PARD3: variants seen among roughly 807,000 people sequenced by gnomAD.
PARD3 encodes the protein par-3 family cell polarity regulator.
A neutral mutation model predicts 155.4 loss-of-function variants in PARD3; 75 were observed. That is an observed-to-expected ratio of 0.48 (90% CI 0.40 to 0.58). PARD3 has a LOEUF of 0.58. Ranked by LOEUF, PARD3 falls within the 20% of genes least tolerant of loss-of-function variation. The pLI is 0.00. For missense variants in PARD3, 1,642 were observed against 1,721.7 expected (o/e 0.95, Z 0.82); for synonymous variants, 576 against 610.5 (o/e 0.94, Z 0.83).
intron 1 of PARD3, among the ~76,000 whole-genome samples, chr10:34,775,945 C>T (rs1309539390): frequency 1.3e-5 from 2 of 152,040 alleles, no homozygotes; most frequent in Non-Finnish European, 2.9e-5. Flanking sequence ...TAATATATGG[C>T]CAGGCATGGT....
At chr10:34,630,593 T>C (rs917326007) in intron 2 of PARD3, among the ~76,000 whole-genome samples, 1 of 151,780 alleles carries the variant, frequency 6.6e-6, no homozygotes, top group Non-Finnish European at 1.5e-5. Context: ...GGGGACTACA[T>C]GCACAAGCCA....
intron 1 of PARD3, among the ~76,000 whole-genome samples, chr10:34,750,002 A>G (rs892426625): frequency 2.6e-5 from 4 of 151,402 alleles, no homozygotes; most frequent in African/African-American, 9.8e-5. Flanking sequence ...AGCCTAGGCG[A>G]CAGAACGAGA....
chr10:34,556,385 CT>C (rs5784421), intron 2 of PARD3, among the ~76,000 whole-genome samples: 60,364 of 137,154 alleles, frequency 0.44, 14,888 homozygotes, highest in African/African-American at 0.76. Flanking sequence ...TTTCTTCTTT[CT>C]TTTTTTTTTT....
chr10:34,373,849 AAT>A (rs1351739618), intron 11 of PARD3, among the ~76,000 whole-genome samples: 2 of 151,920 alleles, frequency 1.3e-5, no homozygotes, highest in Admixed American at 1.3e-4. Context: ...TATTTATAGA[AAT>A]AGTTTATATA....
rs185579148 is a variant in PARD3 at position 34,254,035 on chromosome 10, A to G, written c.3419+15622T>C. On this transcript the variant is annotated intron_variant, in intron 22 of 24. Transcript: ENST00000374788. ...TGAAGGCCCTGACTTCCCACAATAT[A>G]ATATACCAATGTAGCAACACTGCAC... 2.9e-3 allele frequency among the ~76,000 whole-genome samples: 444 copies of G among 152,244 alleles called. 3 individuals are homozygous for G. Among genetic ancestry groups the G allele is most frequent in the African/African-American group, 0.01 (424 of 41,522 alleles).
chr10:34,806,849 T>A (rs1554837482), intron 1 of PARD3, among the ~76,000 whole-genome samples: 1 of 151,830 alleles, frequency 6.6e-6, no homozygotes, highest in Non-Finnish European at 1.5e-5. Context: ...AGAGCAGGAG[T>A]CCCTGCACAG....
At chr10:34,359,751 G>A (rs1449725362) in intron 13 of PARD3, among the ~76,000 whole-genome samples, 1 of 152,138 alleles carries the variant, frequency 6.6e-6, no homozygotes, top group East Asian at 1.9e-4. Flanking sequence ...CCCACAAACA[G>A]GGGAGGGGAG....
At chr10:34,171,831 T>A (rs1949807539) in intron 22 of PARD3, among the ~76,000 whole-genome samples, 1 of 151,506 alleles carries the variant, frequency 6.6e-6, no homozygotes, top group Non-Finnish European at 1.5e-5. Context: ...GTGCCTATAA[T>A]CCCAGCTACT....
intron 2 of PARD3, among the ~76,000 whole-genome samples, chr10:34,520,339 G>T (rs964918477): frequency 6.6e-6 from 1 of 151,994 alleles, no homozygotes; most frequent in African/African-American, 2.4e-5. Flanking sequence ...ACCATACCAC[G>T]GTAATTGGTA....
At chr10:34,496,850 T>A (rs889393129) in intron 3 of PARD3, among the ~76,000 whole-genome samples, 2 of 152,222 alleles carry the variant, frequency 1.3e-5, no homozygotes, top group Admixed American at 1.3e-4. Flanking sequence ...ACATATAGCT[T>A]AAGTATTTTT....
At chr10:34,727,876 C>T (rs1039384922) in intron 1 of PARD3, among the ~76,000 whole-genome samples, 6 of 106,302 alleles carry the variant, frequency 5.6e-5, no homozygotes, top group Admixed American at 9.5e-5. Context: ...CCCCTCCCTC[C>T]GCCACACACA....
chr10:34,689,162 A>G (rs1178685119), intron 2 of PARD3, among the ~76,000 whole-genome samples: 1 of 152,164 alleles, frequency 6.6e-6, no homozygotes, highest in Non-Finnish European at 1.5e-5. Flanking sequence ...TTTTCCTTAA[A>G]CCAAAAAGCA....
chr10:34,268,079 A>G (rs1253778948), intron 22 of PARD3, among the ~76,000 whole-genome samples: 1 of 152,250 alleles, frequency 6.6e-6, no homozygotes, highest in Non-Finnish European at 1.5e-5. Context: ...ATAAAAAGAA[A>G]TGATTATTTG....
chr10:34,814,650 G>C (rs941605655), intron 1 of PARD3, among the ~76,000 whole-genome samples: 43 of 151,922 alleles, frequency 2.8e-4, no homozygotes, highest in African/African-American at 9.6e-4. Context: ...GGGTGAGGGC[G>C]GGGGCCGCGG....
chr10:34,379,658 T>A (rs1841623234), intron 9 of PARD3, among the ~76,000 whole-genome samples: 1 of 152,090 alleles, frequency 6.6e-6, no homozygotes, highest in Non-Finnish European at 1.5e-5. Context: ...AGCTAAAAGT[T>A]CAGGCAATGA....
chr10:34,394,125 G>A (rs1000177666), intron 7 of PARD3, among the ~76,000 whole-genome samples: 1 of 151,608 alleles, frequency 6.6e-6, no homozygotes, highest in Admixed American at 6.6e-5. Context: ...GTGAGCCACC[G>A]CGCCTGGCCT....
intron 14 of PARD3, among the ~76,000 whole-genome samples, chr10:34,353,156 G>A (rs1040055494): frequency 1.3e-5 from 2 of 151,926 alleles, no homozygotes; most frequent in Non-Finnish European, 2.9e-5. Flanking sequence ...CCGGCCAGCC[G>A]CCCCGTCCGG....
chr10:34,631,772 A>AT (rs2092281575), intron 2 of PARD3, among the ~76,000 whole-genome samples: 1 of 152,004 alleles, frequency 6.6e-6, no homozygotes, highest in Non-Finnish European at 1.5e-5. Context: ...TAAATTTTTT[A>AT]TTTTCTGTAA....
chr10:34,298,083 C>A (rs1190770729), intron 20 of PARD3, among the ~76,000 whole-genome samples: 2 of 152,026 alleles, frequency 1.3e-5, no homozygotes, highest in East Asian at 3.9e-4. Context: ...TAAAATGTAA[C>A]CATCCTCACA....
Sources: gnomAD v4.1 joint callset for allele counts (sites outside exome capture counted in the v4.1 genomes callset) on GRCh38, gnomAD v4.1.1 for gene constraint, MANE v1.5 for transcripts, NCBI Gene and HGNC (gene_info 2026-07-23, HGNC 2026-07-21) for gene names.